The following ARHGAP23 variants were observed in gnomAD, a reference collection of about 807,000 sequenced individuals.
The protein encoded by ARHGAP23 is Rho GTPase activating protein 23.
In ARHGAP23, 34 loss-of-function variants were observed where a neutral mutation model predicts 136.3. That is an observed-to-expected ratio of 0.25 (90% CI 0.19 to 0.33). The LOEUF is 0.33. Among genes scored for constraint, ARHGAP23 ranks in the 10% least tolerant of loss-of-function variants. ARHGAP23 has a pLI of 1.00. For synonymous variants in ARHGAP23, 832 were observed against 920.5 expected (o/e 0.90, Z 1.74); for missense variants, 1,808 against 2,139.0 (o/e 0.85, Z 3.05).
intron 1 of ARHGAP23, among the ~76,000 whole-genome samples, chr17:38,445,303 TAAAA>T (rs61636599): frequency 0.16 from 18,154 of 111,510 alleles, 1,804 homozygotes; most frequent in African/African-American, 0.31. Context: ...TGTCTCTACT[TAAAA>T]AAAAAAAAAA....
chr17:38,481,562 G>A (rs568538590), intron 14 of ARHGAP23, among the ~76,000 whole-genome samples: 1 of 152,304 alleles, frequency 6.6e-6, no homozygotes, highest in South Asian at 2.1e-4. Context: ...CAAAGTGCTG[G>A]GATTACAAGC....
rs531446987 is a variant in ARHGAP23 at position 38,444,227 on chromosome 17, C to T, written c.64-13875C>T. On this transcript the variant is annotated intron_variant, in intron 1 of 23. Transcript: ENST00000622683. ...GAGCGAGGTTGAGGGAATGAGGACC[C>T]TTCTGCTCGCTCTGGGTTGTCAAGG... Among the ~76,000 whole-genome samples, 74 of 152,164 alleles carry T rather than the reference C, an allele frequency of 4.9e-4. 1 individual carries two copies. The highest frequency in any genetic ancestry group is 1.4e-3 in the African/African-American group (57 of 41,514).
At chr17:38,478,656 G>T (rs983499252) in intron 12 of ARHGAP23, among the ~76,000 whole-genome samples, 1 of 151,978 alleles carries the variant, frequency 6.6e-6, no homozygotes, top group African/African-American at 2.4e-5. Context: ...TGATCCTCCC[G>T]CCTCAGCCTC....
chr17:38,494,024 CTG>C (rs76554383), intron 20 of ARHGAP23, among the ~76,000 whole-genome samples: 40,788 of 152,058 alleles, frequency 0.27, 6,918 homozygotes, highest in Admixed American at 0.46. Context: ...GGAGGCTGTT[CTG>C]TGTGTTACAG....
At chr17:38,428,383 GC>G (rs555328370), upstream of ARHGAP23, 75 of 377,936 alleles carry the variant, frequency 2.0e-4, no homozygotes, top group South Asian at 5.8e-4. Flanking sequence ...CCCGGGGGGG[GC>G]CCCCCCACAC....
chr17:38,463,749 C>T (rs1356409039), intron 6 of ARHGAP23, among the ~76,000 whole-genome samples: 2 of 152,064 alleles, frequency 1.3e-5, no homozygotes, highest in Non-Finnish European at 2.9e-5. Flanking sequence ...ACACAGGCAC[C>T]GAGCACACAT....
intron 1 of ARHGAP23, among the ~76,000 whole-genome samples, chr17:38,441,204 A>G (rs2038912747): frequency 6.6e-6 from 1 of 152,206 alleles, no homozygotes; most frequent in African/African-American, 2.4e-5. Flanking sequence ...TCTGTCCCCA[A>G]GTGTGCTTCC....
rs139450721 is a variant in ARHGAP23 at position 38,483,373 on chromosome 17, A to G, written c.2907+695A>G. The stretch of plus-strand genomic sequence containing the variant: ...AGACCAGCCTGTGAAGGGATCTGCA[A>G]TCACACTTAAGTGTTTCCAGCAAGG... On this transcript the variant is annotated intron_variant, in intron 16 of 23. Transcript: ENST00000622683. Among the ~76,000 whole-genome samples the G allele has an allele frequency of 4.8e-3, 730 of 152,350 alleles. 5 individuals are homozygous for G. The highest frequency in any genetic ancestry group is 0.017 in the African/African-American group (701 of 41,586).
chr17:38,450,496 C>G (rs1186240685), intron 1 of ARHGAP23: 1 of 152,154 alleles, frequency 6.6e-6, no homozygotes, highest in Non-Finnish European at 1.5e-5. Context: ...CAACCTCTAC[C>G]TCCCAGGCTC....
chr17:38,428,608 A>T, intron 1 of ARHGAP23, 60 bp downstream of exon 1: 1 of 1,200,028 alleles, frequency 8.3e-7, no homozygotes, highest in Non-Finnish European at 1.1e-6. Flanking sequence ...GCGGGCTGCC[A>T]AGCCAGGGTC....
In ARHGAP23 at chr17:38,463,583, TGGCA is replaced by T. The variant is rs1407772817; in HGVS notation, c.483+208_483+211del. 2.6e-5 allele frequency among the ~76,000 whole-genome samples: 4 copies of T among 152,102 alleles called. No homozygotes were observed. The South Asian group carries it at 6.2e-4, about 24-fold the overall frequency. ...GCTGGGGGAGCGGGAGACCTGGCCTTGGCAGGCAGGATTCCTGCCAGGGTATCTG... is the reference window on the plus strand; with the variant it reads ...GCTGGGGGAGCGGGAGACCTGGCCTTGGCAGGATTCCTGCCAGGGTATCTG... On this transcript the variant is annotated intron_variant, in intron 6 of 23. Coordinates refer to ENST00000622683, the MANE Select transcript of ARHGAP23 (RefSeq NM_001199417.2).
intron 1 of ARHGAP23, among the ~76,000 whole-genome samples, chr17:38,428,784 CG>C (rs1281479267): frequency 6.6e-6 from 1 of 152,114 alleles, no homozygotes; most frequent in Non-Finnish European, 1.5e-5. Flanking sequence ...GGGGTCGGGA[CG>C]GGCACGGGGC....
intron 20 of ARHGAP23, among the ~76,000 whole-genome samples, chr17:38,492,443 A>C (rs1051744992): frequency 2.0e-5 from 3 of 152,152 alleles, no homozygotes; most frequent in Non-Finnish European, 4.4e-5. Flanking sequence ...CCCATTTTAC[A>C]GAGGAGGAAA....
At chr17:38,499,026 G>A (rs766474276) in intron 22 of ARHGAP23, 14 of 699,100 alleles carry the variant, frequency 2.0e-5, no homozygotes, top group East Asian at 5.4e-5. Context: ...TGGGCACAGC[G>A]GCAGGCAGAA....
At chr17:38,434,816 G>C (rs564473279) in intron 1 of ARHGAP23, among the ~76,000 whole-genome samples, 1 of 152,192 alleles carries the variant, frequency 6.6e-6, no homozygotes, top group African/African-American at 2.4e-5. Context: ...GGAAAGAATC[G>C]GGTGTGGACG....
At chr17:38,427,910 G>A (rs2038593252), upstream of ARHGAP23, among the ~76,000 whole-genome samples, 1 of 152,160 alleles carries the variant, frequency 6.6e-6, no homozygotes, top group African/African-American at 2.4e-5. Flanking sequence ...AGGGAAGGGG[G>A]CCTCTAAGCC....
In ARHGAP23 at chr17:38,479,650, C is replaced by A. The variant is rs907246907; in HGVS notation, c.2499-103C>A. On this transcript the variant is annotated intron_variant, in intron 13 of 23. Transcript: ENST00000622683. ...GCTGCAGTTAGGCATGGAGGCATTG[C>A]CTCAGGGTGGAGGGGAGGTCCCGAG... is the stretch of plus-strand genomic sequence containing the variant. 2.2e-5 allele frequency: 32 copies of A among 1,427,346 alleles called. No homozygotes were observed. The Admixed American group carries it at 7.1e-4, about 32-fold the overall frequency. The allele number at this position is 1,427,346 out of a possible 1,614,324, so 88.4% of individuals were successfully genotyped here. A position where few individuals can be genotyped will look rare whatever the true frequency, so the allele number is the denominator to read the frequency against.
chr17:38,426,829 T>G (rs1050078826), upstream of ARHGAP23, among the ~76,000 whole-genome samples: 1 of 151,664 alleles, frequency 6.6e-6, no homozygotes, highest in Non-Finnish European at 1.5e-5. Context: ...ATGGCCTAAT[T>G]GTTGTCTGGG....
At chr17:38,509,415 G>C (rs2040704408) in intron 23 of ARHGAP23, among the ~76,000 whole-genome samples, 1 of 152,152 alleles carries the variant, frequency 6.6e-6, no homozygotes, top group South Asian at 2.1e-4. Context: ...ACGTGAACTT[G>C]GGCGGGTTGC....
Sources: allele counts gnomAD v4.1 joint callset (sites outside exome capture counted in the v4.1 genomes callset), GRCh38; gene constraint gnomAD v4.1.1; transcripts MANE v1.5; gene names NCBI Gene and HGNC (gene_info 2026-07-23, HGNC 2026-07-21).